VDAC1: variants seen among roughly 807,000 people sequenced by gnomAD.
The protein encoded by VDAC1 is non-selective voltage-gated ion channel VDAC1.
VDAC1 carries 10 observed loss-of-function variants against 34.7 expected under a neutral mutation model. That is an observed-to-expected ratio of 0.29 (90% CI 0.18 to 0.49). VDAC1 has a LOEUF of 0.49. VDAC1 is among the 20% of genes least tolerant of loss of function. VDAC1 has a pLI of 0.99. For missense variants in VDAC1, 230 were observed against 347.9 expected (o/e 0.66, Z 2.69); for synonymous variants, 130 against 136.0 (o/e 0.96, Z 0.30).
the VDAC1 span, among the ~76,000 whole-genome samples, chr5:134,011,851 G>A: frequency 2.7e-4 from 41 of 151,878 alleles, no homozygotes; most frequent in Non-Finnish European, 5.6e-4. Flanking sequence ...TGTTGGCCAG[G>A]CTGGTCTCAA....
chr5:133,978,560 A>G (rs772155165), intron 6 of VDAC1, among the ~76,000 whole-genome samples: 4 of 152,250 alleles, frequency 2.6e-5, no homozygotes, highest in Non-Finnish European at 5.9e-5. Context: ...ATGCTACAAT[A>G]AAACAGCAGC....
intron 5 of VDAC1, among the ~76,000 whole-genome samples, chr5:133,983,354 A>G (rs1752773259): frequency 6.6e-6 from 1 of 152,188 alleles, no homozygotes; most frequent in East Asian, 1.9e-4. Flanking sequence ...AAGATACATA[A>G]TAAAATATTT....
the VDAC1 span, among the ~76,000 whole-genome samples, chr5:134,013,170 G>T: frequency 6.6e-6 from 1 of 152,096 alleles, no homozygotes; most frequent in African/African-American, 2.4e-5. Flanking sequence ...TACCCTCCTG[G>T]GCATCAACCG....
chr5:134,046,156 G>A, the VDAC1 span, among the ~76,000 whole-genome samples: 2 of 151,506 alleles, frequency 1.3e-5, no homozygotes, highest in African/African-American at 4.8e-5. Context: ...CTCCCAAGCA[G>A]CTGGGACTAC....
chr5:134,001,517 C>G (rs929901469), intron 1 of VDAC1, among the ~76,000 whole-genome samples: 9 of 151,874 alleles, frequency 5.9e-5, no homozygotes, highest in African/African-American at 2.2e-4. Context: ...GAGTTCAAGA[C>G]CAACCTGGCC....
chr5:134,033,855 G>A, the VDAC1 span, among the ~76,000 whole-genome samples: 201 of 151,690 alleles, frequency 1.3e-3, 1 homozygote, highest in Middle Eastern at 3.4e-3. Context: ...AGCCGGGAGT[G>A]GTGGCAGGCG....
At chr5:134,098,266 C>G in the VDAC1 span, among the ~76,000 whole-genome samples, 1 of 151,854 alleles carries the variant, frequency 6.6e-6, no homozygotes, top group East Asian at 1.9e-4. Flanking sequence ...ACGATGTCAG[C>G]TCATTGCAAC....
the VDAC1 span, among the ~76,000 whole-genome samples, chr5:134,024,541 A>G: frequency 2.7e-5 from 4 of 145,484 alleles, no homozygotes; most frequent in East Asian, 6.0e-4. Context: ...AAAAAAAAAG[A>G]AAAAAAAAAA....
At chr5:133,997,601 C>A (rs567810265) in intron 1 of VDAC1, among the ~76,000 whole-genome samples, 175 of 149,310 alleles carry the variant, frequency 1.2e-3, no homozygotes, top group Non-Finnish European at 1.8e-3. Flanking sequence ...GTAATGCCAG[C>A]TACTTGAGAG....
intron 1 of VDAC1, among the ~76,000 whole-genome samples, chr5:133,996,296 A>G (rs1344692317): frequency 6.6e-6 from 1 of 152,202 alleles, no homozygotes; most frequent in Non-Finnish European, 1.5e-5. Flanking sequence ...ACCAGGATAC[A>G]GGAGTCCCTG....
At chr5:134,051,768 G>A in the VDAC1 span, among the ~76,000 whole-genome samples, 7 of 150,954 alleles carry the variant, frequency 4.6e-5, no homozygotes, top group Non-Finnish European at 1.0e-4. Context: ...GCACGATCTC[G>A]GCTCACTGCA....
chr5:134,082,463 C>T, the VDAC1 span, among the ~76,000 whole-genome samples: 4 of 152,208 alleles, frequency 2.6e-5, no homozygotes, highest in African/African-American at 9.7e-5. Context: ...TCTTTATCCA[C>T]TCATTTATTG....
At chr5:134,076,193 G>T in the VDAC1 span, among the ~76,000 whole-genome samples, 1 of 151,542 alleles carries the variant, frequency 6.6e-6, no homozygotes, top group Admixed American at 6.6e-5. Context: ...TGGTCAGGCT[G>T]GTCTTGAACT....
intron 5 of VDAC1, 111 bp downstream of exon 5, chr5:133,990,744 G>A (rs532629998): frequency 9.9e-6 from 13 of 1,310,350 alleles, no homozygotes; most frequent in East Asian, 4.9e-5. Context: ...GCCAGGTCTC[G>A]GAGACCATAT....
chr5:134,103,563 A>T, the VDAC1 span, among the ~76,000 whole-genome samples: 4 of 152,206 alleles, frequency 2.6e-5, no homozygotes, highest in Non-Finnish European at 5.9e-5. Flanking sequence ...TGGTGCCCTG[A>T]GTACTTCGAG....
the VDAC1 span, among the ~76,000 whole-genome samples, chr5:134,035,408 A>AT: frequency 1.3e-5 from 2 of 152,242 alleles, no homozygotes; most frequent in South Asian, 4.2e-4. Context: ...AACCCTGCTA[A>AT]TTTTTTAAAA....
At chr5:134,035,863 G>A in the VDAC1 span, among the ~76,000 whole-genome samples, 1 of 151,952 alleles carries the variant, frequency 6.6e-6, no homozygotes. Flanking sequence ...AAAATTAGCC[G>A]GGCGCAGTGG....
the VDAC1 span, among the ~76,000 whole-genome samples, chr5:134,039,477 T>C: frequency 5.7e-4 from 87 of 151,430 alleles, no homozygotes; most frequent in South Asian, 1.5e-3. Context: ...TACAGGCTCC[T>C]GCCACCACGC....
chr5:134,052,031 C>T, the VDAC1 span, among the ~76,000 whole-genome samples: 2 of 151,974 alleles, frequency 1.3e-5, no homozygotes, highest in African/African-American at 4.8e-5. Context: ...TGAGCAACAG[C>T]GGGTACAAGC....
Sources: allele counts gnomAD v4.1 joint callset (sites outside exome capture counted in the v4.1 genomes callset), GRCh38; gene constraint gnomAD v4.1.1; transcripts MANE v1.5; gene names NCBI Gene and HGNC (gene_info 2026-07-23, HGNC 2026-07-21).